CLDN18: variants seen among roughly 807,000 people sequenced by gnomAD.
CLDN18 encodes the protein claudin-18.
A neutral mutation model predicts 25.0 loss-of-function variants in CLDN18; 20 were observed. The observed-to-expected ratio is 0.80, with a 90% CI of 0.56 to 1.16. The LOEUF is 1.16. Among genes scored for constraint, CLDN18 ranks in the 50% most tolerant of loss-of-function variants. CLDN18 has a pLI of 0.00. For missense variants in CLDN18, 297 were observed against 345.4 expected, an observed-to-expected ratio of 0.86 and a Z score of 1.11; for synonymous variants, 125 against 135.6, an observed-to-expected ratio of 0.92 and a Z score of 0.54.
rs560752369 is a variant in CLDN18 at position 138,030,294 on chromosome 3, A to T, written c.614+387A>T. 9.2e-5 allele frequency among the ~76,000 whole-genome samples: 14 copies of T among 152,346 alleles called. 1 individual carries two copies. The highest frequency in any genetic ancestry group is 9.1e-4 in the Admixed American group (14 of 15,306). On this transcript the variant is annotated intron_variant, in intron 4 of 4. Coordinates refer to ENST00000183605, the MANE Select transcript of CLDN18 (RefSeq NM_016369.4). ...GGCCTCTGGCGGGTAGAGGCCAGGG[A>T]TGCTGCTGAACACCCTACAGTGCAC...
At chr3:138,019,385 G>A (rs552953217) in intron 1 of CLDN18, among the ~76,000 whole-genome samples, 3 of 152,246 alleles carry the variant, frequency 2.0e-5, no homozygotes, top group Non-Finnish European at 2.9e-5. Flanking sequence ...TGAGCTCCCC[G>A]ACTTTGGGCT....
intron 1 of CLDN18, among the ~76,000 whole-genome samples, chr3:138,017,512 A>C (rs1325701546): frequency 6.6e-6 from 1 of 152,250 alleles, no homozygotes; most frequent in African/African-American, 2.4e-5. Context: ...CAAAACCTTC[A>C]CAAAATCTAA....
At chr3:138,029,633 T>A (rs2107890553) in intron 3 of CLDN18, among the ~76,000 whole-genome samples, 164 bp from the exon 4 acceptor site, 2 of 152,306 alleles carry the variant, frequency 1.3e-5, no homozygotes, top group Middle Eastern at 3.4e-3. Context: ...CCAGGGTACC[T>A]GATCAGTTGG....
intron 1 of CLDN18, among the ~76,000 whole-genome samples, chr3:138,000,534 G>T (rs1942005016): frequency 6.6e-6 from 1 of 151,494 alleles, no homozygotes; most frequent in Admixed American, 6.6e-5. Flanking sequence ...TTGGTTGTTT[G>T]GTTGGTTGGT....
At chr3:138,005,249 A>G (rs1279293904), upstream of CLDN18, 2 of 151,756 alleles carry the variant, frequency 1.3e-5, no homozygotes, top group East Asian at 1.9e-4. Context: ...AATATTTTTT[A>G]TTATTATTAT....
intron 1 of CLDN18, among the ~76,000 whole-genome samples, chr3:138,012,573 C>T (rs1413905530): frequency 6.6e-6 from 1 of 152,054 alleles, no homozygotes; most frequent in African/African-American, 2.4e-5. Context: ...CCCCAACTGT[C>T]CTCTCACAAA....
chr3:138,023,817 T>C lies in CLDN18; in HGVS notation c.380T>C (p.Val127Ala). 1 of 1,612,116 alleles carries C rather than the reference T, an allele frequency of 6.2e-7. No homozygotes were observed. Among genetic ancestry groups the C allele is most frequent in the Admixed American group, 1.7e-5 (1 of 59,928 alleles). Residue 127 changes from valine to alanine, a missense_variant, in exon 2 of 5, where the codon GTC (valine) becomes GCC (alanine). Coordinates refer to ENST00000183605, the MANE Select transcript of CLDN18 (RefSeq NM_016369.4). The part of the protein sequence containing the change: ...MTLTSGIMFI[V>A]SGLCAIAGVS... ...CTGACCTCCGGGATCATGTTCATTGTCTCAGGTAAACACAGAGCCTGGAGT... is the reference window on the plus strand; with the variant it reads ...CTGACCTCCGGGATCATGTTCATTGCCTCAGGTAAACACAGAGCCTGGAGT...
At chr3:138,009,695 C>T (rs900306403), upstream of CLDN18, among the ~76,000 whole-genome samples, 1 of 152,152 alleles carries the variant, frequency 6.6e-6, no homozygotes, top group Non-Finnish European at 1.5e-5. Flanking sequence ...GCCTGCCCTA[C>T]CCATTTCTGT....
intron 1 of CLDN18, among the ~76,000 whole-genome samples, chr3:138,002,037 T>C (rs1942024904): frequency 6.6e-6 from 1 of 152,196 alleles, no homozygotes; most frequent in Admixed American, 6.5e-5. Context: ...TCACCTGTTT[T>C]AGTGTTCAAC....
chr3:138,002,556 T>C lies in CLDN18; in HGVS notation c.220+3468T>C, dbSNP rs974027575. ...TAAACACCAACATAAACATAATCCA[T>C]AAGTAGCCAGCCAAAGGATCTGGAA... On this transcript the variant is annotated intron_variant, in intron 1 of 4. Coordinates refer to the CLDN18 transcript ENST00000343735. 9.2e-5 allele frequency among the ~76,000 whole-genome samples: 14 copies of C among 152,378 alleles called. 1 individual carries two copies. The highest frequency in any genetic ancestry group is 9.1e-4 in the Admixed American group (14 of 15,310).
intron 1 of CLDN18, among the ~76,000 whole-genome samples, chr3:138,010,793 C>T (rs1342571618): frequency 2.0e-5 from 3 of 152,142 alleles, no homozygotes; most frequent in Admixed American, 6.5e-5. Context: ...CTCCTGCCTG[C>T]ACATACATGG....
At chr3:138,015,577 C>T (rs1942193054) in intron 1 of CLDN18, among the ~76,000 whole-genome samples, 1 of 152,104 alleles carries the variant, frequency 6.6e-6, no homozygotes, top group Admixed American at 6.5e-5. Context: ...AGTTAATAAT[C>T]ATAATTATCA....
chr3:138,021,223 T>C (rs1256219818), intron 1 of CLDN18, among the ~76,000 whole-genome samples: 1 of 152,078 alleles, frequency 6.6e-6, no homozygotes, highest in African/African-American at 2.4e-5. Context: ...TACAGCCCTA[T>C]AGGCAGATTC....
intron 2 of CLDN18, among the ~76,000 whole-genome samples, 157 bp from the exon 3 acceptor site, chr3:138,024,450 T>C (rs1460528388): frequency 6.6e-6 from 1 of 152,230 alleles, no homozygotes; most frequent in Non-Finnish European, 1.5e-5. Context: ...CCTATCACAA[T>C]ATTTAGCACA....
chr3:138,031,087 T>C lies in CLDN18; in HGVS notation c.732T>C (p.Gly244=). Reference sequence around the variant, plus strand: ...AAAACAAGAAGATATACGATGGAGGTGCCCGCACAGAGGACGAGGTACAAT... The same window carrying C: ...AAAACAAGAAGATATACGATGGAGGCGCCCGCACAGAGGACGAGGTACAAT... The part of the protein sequence containing the change: ...NTKNKKIYDG[G]ARTEDEVQSY... The change falls in exon 5 of 5, where the codon GGT becomes GGC. Residue 244 remains glycine (G), a synonymous_variant. Transcript: ENST00000183605. 1 of 1,614,012 alleles carries C rather than the reference T, an allele frequency of 6.2e-7. No homozygotes were observed.
upstream of CLDN18, among the ~76,000 whole-genome samples, chr3:138,005,740 T>C (rs183630367): frequency 6.6e-6 from 1 of 152,312 alleles, no homozygotes; most frequent in African/African-American, 2.4e-5. Context: ...AGCAATATGG[T>C]TGTGTATAAA....
chr3:138,025,233 A>G (rs1942312997), intron 3 of CLDN18, among the ~76,000 whole-genome samples: 1 of 152,196 alleles, frequency 6.6e-6, no homozygotes, highest in Non-Finnish European at 1.5e-5. Flanking sequence ...AAGCCAAGAC[A>G]TGTTCAGAGT....
chr3:138,031,065 A>T lies in CLDN18; in HGVS notation c.710A>T (p.Asn237Ile). The T allele has an allele frequency of 6.2e-7, 1 of 1,614,160 alleles. No individual in the cohort carries two copies. The highest frequency in any genetic ancestry group is 2.2e-5 in the East Asian group (1 of 44,884). Residue 237 changes from asparagine to isoleucine, a missense_variant, in exon 5 of 5, where the codon AAC (asparagine) becomes ATC (isoleucine). Asn to Ile is a moderately radical substitution (Grantham distance 149). Coordinates refer to ENST00000183605, the MANE Select transcript of CLDN18 (RefSeq NM_016369.4). The part of the protein sequence containing the change: ...ASTGFGSNTK[N>I]KKIYDGGART... ...ACTGGCTTTGGGTCCAACACCAAAAACAAGAAGATATACGATGGAGGTGCC... is the reference window on the plus strand; with the variant it reads ...ACTGGCTTTGGGTCCAACACCAAAATCAAGAAGATATACGATGGAGGTGCC...
intron 4 of CLDN18, 47 bp downstream of exon 4, chr3:138,029,954 G>T (rs780506547): frequency 2.4e-6 from 3 of 1,224,662 alleles, no homozygotes; most frequent in Non-Finnish European, 3.5e-6. Context: ...TTTGTTCAGG[G>T]TCTATTTTAA....
Sources: gnomAD v4.1 joint callset for allele counts (sites outside exome capture counted in the v4.1 genomes callset) on GRCh38, gnomAD v4.1.1 for gene constraint, MANE v1.5 for transcripts, NCBI Gene and HGNC (gene_info 2026-07-23, HGNC 2026-07-21) for gene names.